Variants in EYA4 observed in about 807,000 individuals in gnomAD.
EYA4 encodes protein phosphatase EYA4.
Under a neutral mutation model 87.9 loss-of-function variants are expected in EYA4, and 31 were observed. That is an observed-to-expected ratio of 0.35 (90% CI 0.27 to 0.48). The LOEUF (loss-of-function observed/expected upper bound fraction) is 0.48, where lower values mean the gene tolerates loss of function less well. EYA4 is among the 20% of genes least tolerant of loss of function. EYA4 has a pLI of 0.99. For synonymous variants in EYA4, 263 were observed against 270.6 expected, an observed-to-expected ratio of 0.97 and a Z score of 0.28; for missense variants, 678 against 761.4, an observed-to-expected ratio of 0.89 and a Z score of 1.29.
chr6:133,464,204 A>T (rs1794653558), intron 9 of EYA4, among the ~76,000 whole-genome samples: 1 of 152,096 alleles, frequency 6.6e-6, no homozygotes, highest in South Asian at 2.1e-4. Flanking sequence ...CAGACCTTGT[A>T]GTAAAGTTTT....
intron 3 of EYA4, among the ~76,000 whole-genome samples, chr6:133,415,008 T>A (rs1405351871): frequency 1.3e-5 from 2 of 152,186 alleles, no homozygotes; most frequent in Non-Finnish European, 2.9e-5. Flanking sequence ...TGAATTTATT[T>A]CATCCAATTT....
In EYA4 at chr6:133,456,345, G is replaced by A. The variant is rs369143177; in HGVS notation, c.278-211G>A. ...TTAAGGCTGACTGCCTTTAAAAGCT[G>A]GATTTGAGAGAACTAGCTTGGCCAG... On this transcript the variant is annotated intron_variant, in intron 5 of 19. Coordinates refer to ENST00000355286, the MANE Select transcript of EYA4 (RefSeq NM_004100.5). Among the ~76,000 whole-genome samples the A allele has an allele frequency of 1.3e-3, 196 of 152,152 alleles. 1 individual carries two copies. The highest frequency in any genetic ancestry group is 4.5e-3 in the African/African-American group (187 of 41,518).
intron 13 of EYA4, among the ~76,000 whole-genome samples, chr6:133,493,403 C>T (rs553397928): frequency 2.8e-4 from 42 of 152,184 alleles, no homozygotes; most frequent in African/African-American, 7.0e-4. Context: ...TGAAGAAGAA[C>T]GAAACTAGAC....
rs565121848 is a variant in EYA4, at chr6:133,407,812, C to A, written c.83+25371C>A. Among the ~76,000 whole-genome samples, 10 of 152,226 alleles carry A rather than the reference C, an allele frequency of 6.6e-5. No individual in the cohort carries two copies. The South Asian group carries it at 1.0e-3, about 16-fold the overall frequency. On this transcript the variant is annotated intron_variant, in intron 3 of 19. Transcript: ENST00000355286. Reference sequence around the variant, plus strand: ...TAAAGGTATTTCTTATTGAAACCAACTCATATTTCTCAAATTCCTAGACCA... The same window carrying A: ...TAAAGGTATTTCTTATTGAAACCAAATCATATTTCTCAAATTCCTAGACCA...
chr6:133,356,997 C>A (rs151162500), intron 2 of EYA4, among the ~76,000 whole-genome samples: 2 of 151,636 alleles, frequency 1.3e-5, no homozygotes, highest in Non-Finnish European at 1.5e-5. Context: ...AAAGGCCAGG[C>A]GCGGTGGCTC....
At chr6:133,499,181 T>TA (rs1012169873) in intron 13 of EYA4, among the ~76,000 whole-genome samples, 1 of 152,150 alleles carries the variant, frequency 6.6e-6, no homozygotes, top group African/African-American at 2.4e-5. Context: ...ATTAGAACAT[T>TA]AACTTACCTT....
intron 2 of EYA4, among the ~76,000 whole-genome samples, chr6:133,299,697 G>A (rs1189423269): frequency 6.7e-6 from 1 of 149,468 alleles, no homozygotes; most frequent in Non-Finnish European, 1.5e-5. Flanking sequence ...GGGCAACAGA[G>A]TGAGACTCTG....
chr6:133,312,232 T>C, intron 2 of EYA4, among the ~76,000 whole-genome samples: 1 of 152,022 alleles, frequency 6.6e-6, no homozygotes, highest in African/African-American at 2.4e-5. Flanking sequence ...CTGTTAAGGA[T>C]TTCTAATAAG....
chr6:133,296,303 G>A (rs915016952), intron 2 of EYA4, among the ~76,000 whole-genome samples: 5 of 152,298 alleles, frequency 3.3e-5, no homozygotes, highest in East Asian at 1.9e-4. Context: ...TGGTCAGGAC[G>A]TTGGCTTTTA....
chr6:133,499,436 C>G (rs1039022125), intron 13 of EYA4, among the ~76,000 whole-genome samples: 5 of 152,304 alleles, frequency 3.3e-5, no homozygotes, highest in Middle Eastern at 3.4e-3. Context: ...TAATTCCCCC[C>G]TTGAAGTACA....
chr6:133,406,516 T>C (rs1788723944), intron 3 of EYA4, among the ~76,000 whole-genome samples: 1 of 152,236 alleles, frequency 6.6e-6, no homozygotes. Context: ...TTGGTCAGCA[T>C]TTGAAAGCCT....
At position 133,528,966 on chromosome 6, in the gene EYA4, GT is replaced by G. The variant is rs1800847354; in HGVS notation, c.*163del. ...TGAAGAATTCAGATTGCTGAATGGAGTTAAACTTTAGTGCTACAGAAAAGAA... is the reference window on the plus strand; with the variant it reads ...TGAAGAATTCAGATTGCTGAATGGAGTAAACTTTAGTGCTACAGAAAAGAA... On this transcript the variant is annotated 3_prime_UTR_variant, in exon 20 of 20. Transcript: ENST00000355286. The G allele has an allele frequency of 6.7e-7, 1 of 1,488,894 alleles. No homozygotes were observed. The highest frequency in any genetic ancestry group is 1.3e-5 in the South Asian group (1 of 78,332). The allele number at this position is 1,488,894 out of a possible 1,614,324, so 92.2% of individuals were successfully genotyped here.
chr6:133,515,187 T>C, intron 16 of EYA4, 134 bp from the exon 17 acceptor site: 1 of 704,424 alleles, frequency 1.4e-6, no homozygotes, highest in South Asian at 1.5e-5. Flanking sequence ...AATATGGACA[T>C]AAATCTGTAT....
intron 2 of EYA4, among the ~76,000 whole-genome samples, chr6:133,324,761 G>A (rs1420704447): frequency 6.6e-6 from 1 of 151,736 alleles, no homozygotes; most frequent in Non-Finnish European, 1.5e-5. Context: ...CATCGAGTAT[G>A]GATTCTTAAA....
intron 2 of EYA4, among the ~76,000 whole-genome samples, chr6:133,315,590 T>A (rs1780562384): frequency 1.3e-5 from 2 of 152,052 alleles, no homozygotes; most frequent in South Asian, 4.1e-4. Flanking sequence ...GCGCCACTGA[T>A]AGAAAAGTGG....
intron 3 of EYA4, among the ~76,000 whole-genome samples, chr6:133,443,941 C>T (rs747477297): frequency 5.9e-5 from 9 of 152,136 alleles, no homozygotes; most frequent in Non-Finnish European, 1.3e-4. Flanking sequence ...ACCTATATCC[C>T]AGGTCTGTCC....
intron 6 of EYA4, among the ~76,000 whole-genome samples, chr6:133,457,473 G>A (rs1794009355): frequency 6.6e-6 from 1 of 152,038 alleles, no homozygotes; most frequent in African/African-American, 2.4e-5. Context: ...TTATCCATGT[G>A]CTCATGTTAT....
At chr6:133,258,490 T>A (rs1196332613) in intron 1 of EYA4, among the ~76,000 whole-genome samples, 4 of 152,146 alleles carry the variant, frequency 2.6e-5, no homozygotes, top group Admixed American at 2.0e-4. Context: ...ACTGCTGGGG[T>A]TACAAGTAAT....
chr6:133,430,303 C>T (rs748921284), intron 3 of EYA4, among the ~76,000 whole-genome samples: 1 of 152,160 alleles, frequency 6.6e-6, no homozygotes, highest in Non-Finnish European at 1.5e-5. Flanking sequence ...AAATGTTATA[C>T]TCCATCAAGT....
Sources: gnomAD v4.1 joint callset for allele counts (sites outside exome capture counted in the v4.1 genomes callset) on GRCh38, gnomAD v4.1.1 for gene constraint, MANE v1.5 for transcripts, NCBI Gene and HGNC (gene_info 2026-07-23, HGNC 2026-07-21) for gene names.